The following CHIA variants were observed in gnomAD, a reference collection of about 807,000 sequenced individuals.
CHIA encodes the protein chitinase acidic, also known as acidic mammalian chitinase.
A neutral mutation model predicts 53.5 loss-of-function variants in CHIA; 47 were observed. That is an observed-to-expected ratio of 0.88 (90% CI 0.70 to 1.12). The LOEUF is 1.12. Among genes scored for constraint, CHIA ranks in the 50% most tolerant of loss-of-function variants. CHIA has a pLI of 0.00. For missense variants in CHIA, 652 were observed against 592.2 expected (o/e 1.10, Z -1.05); for synonymous variants, 268 against 222.2 (o/e 1.21, Z -1.83).
intron 1 of CHIA, among the ~76,000 whole-genome samples, chr1:111,308,564 C>T (rs12086232): frequency 0.13 from 20,073 of 152,090 alleles, 1,544 homozygotes; most frequent in African/African-American, 0.19. Context: ...TTTTTAGTCA[C>T]TCAGCTTTAC....
At chr1:111,310,586 C>T in intron 2 of CHIA, 94 bp downstream of exon 2, 2 of 1,571,596 alleles carry the variant, frequency 1.3e-6, no homozygotes, top group Non-Finnish European at 1.7e-6. Context: ...CATACTACAT[C>T]CCTATACTTT....
Position 111,310,336 on chromosome 1 carries a change from G to A in CHIA, c.-68-64G>A, listed in dbSNP as rs1648560982. The A allele has an allele frequency of 8.6e-6, 13 of 1,519,808 alleles. No homozygotes were observed. The South Asian group carries it at 9.3e-5, about 11-fold the overall frequency. 94.1% of individuals were successfully genotyped at this position (1,519,808 alleles called of 1,614,324 possible). On this transcript the variant is annotated intron_variant, in intron 1 of 11. Transcript: ENST00000369740. ...AGGTCTTGGGAGGGTGTTTGTAGAA[G>A]AGAAGGTCCGTTGATTTACTGATTA...
Position 111,317,673 on chromosome 1 carries a change from T to C in CHIA, c.481-8T>C. On this transcript the variant is annotated splice_polypyrimidine_tract_variant and splice_region_variant and intron_variant, in intron 6 of 11. Transcript: ENST00000369740. ...ATAGATGTCCTATTATGCCTTATTATTCTGTAGGAAATGCGTGAAGCTTTT... is the reference window on the plus strand; with the variant it reads ...ATAGATGTCCTATTATGCCTTATTACTCTGTAGGAAATGCGTGAAGCTTTT... 6.2e-7 allele frequency: 1 copy of C among 1,614,192 alleles called. No homozygotes were observed.
In CHIA at chr1:111,312,496, C is replaced by A. The variant is rs753128380; in HGVS notation, c.257+105C>A. The stretch of plus-strand genomic sequence containing the variant: ...AGATCCATGGATCTGAGATGGGGAC[C>A]AAGACTCTGCATTTCATTTTTCTTT... On this transcript the variant is annotated intron_variant, in intron 4 of 11. Coordinates refer to ENST00000369740, the MANE Select transcript of CHIA (RefSeq NM_201653.4). The A allele has an allele frequency of 4.7e-6, 4 of 858,798 alleles. No individual in the cohort carries two copies. In the East Asian group the frequency reaches 7.6e-5, roughly 16 times the overall value. 53.2% of individuals were successfully genotyped at this position (858,798 alleles called of 1,614,324 possible). A position where few individuals can be genotyped will look rare whatever the true frequency, so the allele number is the denominator to read the frequency against.
At chr1:111,302,663 C>T (rs930543477) in intron 1 of CHIA, among the ~76,000 whole-genome samples, 1 of 152,068 alleles carries the variant, frequency 6.6e-6, no homozygotes, top group Non-Finnish European at 1.5e-5. Context: ...AATTTGTGAC[C>T]TAATATATAG....
chr1:111,318,892 T>C lies in CHIA; in HGVS notation c.915+214T>C, dbSNP rs116032836. Among the ~76,000 whole-genome samples, 971 of 152,346 alleles carry C rather than the reference T, an allele frequency of 6.4e-3. 8 individuals are homozygous for C. Among genetic ancestry groups the C allele is most frequent in the African/African-American group, 0.022 (909 of 41,570 alleles). Reference sequence around the variant, plus strand: ...TTCACACAACAGACTACCTTTTAAATGTAATTTATATTAGCACACAGGTAA... The same window carrying C: ...TTCACACAACAGACTACCTTTTAAACGTAATTTATATTAGCACACAGGTAA... On this transcript the variant is annotated intron_variant, in intron 9 of 11. Coordinates refer to ENST00000369740, the MANE Select transcript of CHIA (RefSeq NM_201653.4).
chr1:111,305,701 G>A (rs948582170), intron 1 of CHIA, among the ~76,000 whole-genome samples: 3 of 152,188 alleles, frequency 2.0e-5, no homozygotes, highest in Admixed American at 6.5e-5. Flanking sequence ...TTTTGTCTAG[G>A]AAGGGAGACA....
At chr1:111,302,486 T>A (rs894576124) in intron 1 of CHIA, among the ~76,000 whole-genome samples, 1 of 152,228 alleles carries the variant, frequency 6.6e-6, no homozygotes, top group African/African-American at 2.4e-5. Flanking sequence ...TTTTTAAATT[T>A]CCCTTATGAC....
intron 5 of CHIA, 157 bp downstream of exon 5, chr1:111,314,753 A>T (rs775899534): frequency 8.6e-6 from 5 of 579,828 alleles, no homozygotes; most frequent in Non-Finnish European, 1.5e-5. Flanking sequence ...CCAGAACCTC[A>T]TTATTAAGTG....
chr1:111,294,053 G>T (rs558757208), intron 1 of CHIA, among the ~76,000 whole-genome samples: 1 of 151,478 alleles, frequency 6.6e-6, no homozygotes, highest in Non-Finnish European at 1.5e-5. Flanking sequence ...CTGCACTCGA[G>T]CCTGGGTGAC....
chr1:111,311,816 T>A, intron 3 of CHIA, 98 bp downstream of exon 3: 2 of 1,311,402 alleles, frequency 1.5e-6, no homozygotes, highest in Non-Finnish European at 2.2e-6. Flanking sequence ...GACAGATGGG[T>A]TTGATTTGGG....
chr1:111,295,595 G>T (rs966073270), intron 1 of CHIA, among the ~76,000 whole-genome samples: 5 of 151,466 alleles, frequency 3.3e-5, no homozygotes, highest in African/African-American at 9.7e-5. Context: ...CAGAAGACAG[G>T]TGATTTCTGC....
intron 1 of CHIA, 155 bp from the exon 2 acceptor site, chr1:111,310,245 T>G: frequency 7.0e-6 from 6 of 860,002 alleles, no homozygotes; most frequent in African/African-American, 1.7e-5. Context: ...TTAGGAGCCA[T>G]GACATTGTTC....
In CHIA at chr1:111,319,268, G is replaced by T. The variant is rs970578190; in HGVS notation, c.1035+29G>T. 12 of 1,613,914 alleles carry T rather than the reference G, an allele frequency of 7.4e-6. No individual in the cohort carries two copies. The African/African-American group carries it at 1.6e-4, about 22-fold the overall frequency. On this transcript the variant is annotated intron_variant, in intron 10 of 11. Transcript: ENST00000369740. ...AGATCAGTCCCTTAAATGTGCTGAG[G>T]TCCCAGCCCTGAGTCCCAGGAAAGC...
chr1:111,302,933 G>A, intron 1 of CHIA, among the ~76,000 whole-genome samples: 1 of 151,960 alleles, frequency 6.6e-6, no homozygotes, highest in East Asian at 1.9e-4. Flanking sequence ...TTTTTATAGT[G>A]TGTCATTAGG....
At chr1:111,308,206 T>C (rs1648352873) in intron 1 of CHIA, among the ~76,000 whole-genome samples, 1 of 152,198 alleles carries the variant, frequency 6.6e-6, no homozygotes, top group Non-Finnish European at 1.5e-5. Context: ...TATTTAGAAC[T>C]GGGGATGCCA....
intron 1 of CHIA, among the ~76,000 whole-genome samples, chr1:111,301,606 GCCAGGGAATGGCATGAA>G (rs1427066480): frequency 1.3e-5 from 2 of 151,202 alleles, no homozygotes; most frequent in Admixed American, 6.6e-5. Context: ...GGAGGCTGAG[GCCAGGGAATGGCATGAA>G]CCTGGGAGGC....
At position 111,320,481 on chromosome 1, in the gene CHIA, A is replaced by G. The variant is rs2101658700; in HGVS notation, c.*15A>G. ...ACTGGGCATAAACCTGACCTGGTCT[A>G]TATTCCCTAGAGTTCCAGTCTCTTT... On this transcript the variant is annotated 3_prime_UTR_variant, in exon 12 of 12. Transcript: ENST00000369740. The G allele has an allele frequency of 6.2e-6, 10 of 1,608,534 alleles. No individual in the cohort carries two copies. The highest frequency in any genetic ancestry group is 7.7e-6 in the Non-Finnish European group (9 of 1,175,434).
intron 11 of CHIA, 99 bp from the exon 12 acceptor site, chr1:111,320,114 C>T: frequency 1.9e-6 from 2 of 1,080,338 alleles, no homozygotes; most frequent in Non-Finnish European, 2.7e-6. Context: ...AACTGCACCC[C>T]ACCTCCACAC....
Sources: allele counts gnomAD v4.1 joint callset (sites outside exome capture counted in the v4.1 genomes callset), GRCh38; gene constraint gnomAD v4.1.1; transcripts MANE v1.5; gene names NCBI Gene and HGNC (gene_info 2026-07-23, HGNC 2026-07-21).